The following PRKG2 variants were observed in gnomAD, a reference collection of about 807,000 sequenced individuals.
PRKG2 encodes cGMP-dependent protein kinase 2.
Under a neutral mutation model 97.2 loss-of-function variants are expected in PRKG2, and 33 were observed. That is an observed-to-expected ratio of 0.34 (90% CI 0.26 to 0.45). The LOEUF is 0.45. Ranked by LOEUF, PRKG2 falls within the 20% of genes least tolerant of loss-of-function variation. PRKG2 has a pLI of 1.00. For synonymous variants in PRKG2, 330 were observed against 321.8 expected, an observed-to-expected ratio of 1.03 and a Z score of -0.27; for missense variants, 638 against 900.0, an observed-to-expected ratio of 0.71 and a Z score of 3.73.
intron 14 of PRKG2, among the ~76,000 whole-genome samples, chr4:81,123,528 C>T (rs1745268261): frequency 6.6e-6 from 1 of 152,180 alleles, no homozygotes; most frequent in South Asian, 2.1e-4. Context: ...CCTCAGCCTC[C>T]CAAGGAGCTG....
At chr4:81,204,528 A>G in intron 2 of PRKG2, 59 bp downstream of exon 2, 1 of 1,460,004 alleles carries the variant, frequency 6.8e-7, no homozygotes, top group South Asian at 1.3e-5. Context: ...AATAAATGTC[A>G]CTCTCATATT....
intron 14 of PRKG2, among the ~76,000 whole-genome samples, chr4:81,125,618 G>A (rs1433248541): frequency 6.6e-6 from 1 of 152,160 alleles, no homozygotes; most frequent in Non-Finnish European, 1.5e-5. Context: ...CAGTTTACCT[G>A]GGTAAATACC....
intron 1 of PRKG2, among the ~76,000 whole-genome samples, chr4:81,212,367 T>TG (rs1343599123): frequency 1.3e-5 from 2 of 151,578 alleles, no homozygotes; most frequent in African/African-American, 2.4e-5. Flanking sequence ...TTCAGCTATT[T>TG]GGGGGGCTAC....
At chr4:81,111,449 AT>A (rs199943587) in intron 14 of PRKG2, among the ~76,000 whole-genome samples, 2,392 of 152,158 alleles carry the variant, frequency 0.016, 70 homozygotes, top group African/African-American at 0.054. Context: ...GTTATACATG[AT>A]TAATATTATA....
At chr4:81,147,537 T>C (rs1221839512) in intron 9 of PRKG2, among the ~76,000 whole-genome samples, 3 of 152,186 alleles carry the variant, frequency 2.0e-5, no homozygotes, top group Non-Finnish European at 4.4e-5. Context: ...GTCCTGTTAA[T>C]ACTTTAAATC....
Position 81,088,054 on chromosome 4 carries a change from ACT to A in PRKG2, c.*1652_*1653del, listed in dbSNP as rs1741248742. 6.6e-6 allele frequency: 1 copy of A among 151,988 alleles called. No homozygotes were observed. Among genetic ancestry groups the A allele is most frequent in the Non-Finnish European group, 1.5e-5 (1 of 67,988 alleles). The allele number at this position is 151,988 out of a possible 1,614,324, so 9.4% of individuals were successfully genotyped here. On this transcript the variant is annotated 3_prime_UTR_variant, in exon 19 of 19. Transcript: ENST00000264399. The stretch of plus-strand genomic sequence containing the variant: ...CAAATTCAAATAAAAATCTTTAAAA[ACT>A]CTTAGAAATTCTTTAAGCAGGTTAT...
chr4:81,135,203 G>C lies in PRKG2; in HGVS notation c.1728C>G (p.Asp576Glu), dbSNP rs764354837. ...YLHRLGIIYR[D>E]LKPENLILDA... ...CTAGAATTAAGTTTTCTGGTTTCAA[G>C]TCTCTGTAGATAATACCTAGTCGAT... Residue 576 changes from aspartate (D) to glutamate (E), a missense_variant, in exon 14 of 19, where the codon GAC becomes GAG. Asp to Glu is a conservative substitution (Grantham distance 45). This residue lies in a region of PRKG2 where 304 missense variants were observed against 460.5 expected (regional missense o/e 0.66). Transcript: ENST00000264399. The C allele has an allele frequency of 6.2e-7, 1 of 1,611,546 alleles. No individual in the cohort carries two copies.
intron 14 of PRKG2, among the ~76,000 whole-genome samples, chr4:81,113,902 A>G (rs1744231444): frequency 6.6e-6 from 1 of 152,178 alleles, no homozygotes; most frequent in Non-Finnish European, 1.5e-5. Flanking sequence ...AGAGGCAACA[A>G]TGGATGGTTT....
chr4:81,105,954 G>A lies in PRKG2; in HGVS notation c.1941-19C>T. Reference sequence around the variant, plus strand: ...GGGTGGGCTAGATAGAGAAAATCCAGAACAGGACACATTAATAACAGGGTC... The same window carrying A: ...GGGTGGGCTAGATAGAGAAAATCCAAAACAGGACACATTAATAACAGGGTC... On this transcript the variant is annotated intron_variant, in intron 15 of 18. Coordinates refer to ENST00000264399, the MANE Select transcript of PRKG2 (RefSeq NM_006259.3). 6.2e-7 allele frequency: 1 copy of A among 1,608,788 alleles called. No homozygotes were observed. The highest frequency in any genetic ancestry group is 8.5e-7 in the Non-Finnish European group (1 of 1,176,840).
At chr4:81,153,417 T>C (rs1282188477) in intron 7 of PRKG2, 4 of 404,332 alleles carry the variant, frequency 9.9e-6, no homozygotes, top group Non-Finnish European at 1.8e-5. Flanking sequence ...CCCCAAAAAA[T>C]CAAGTGACCT....
intron 2 of PRKG2, among the ~76,000 whole-genome samples, chr4:81,194,937 C>T (rs1052599660): frequency 2.2e-4 from 29 of 134,286 alleles, no homozygotes; most frequent in African/African-American, 6.9e-4. Context: ...TATATATATA[C>T]GCACCTATAA....
chr4:81,186,623 A>T (rs10002599), intron 2 of PRKG2, among the ~76,000 whole-genome samples: 34,632 of 152,038 alleles, frequency 0.23, 7,830 homozygotes, highest in African/African-American at 0.58. Flanking sequence ...AACTAAGATC[A>T]GAACAGAACT....
Position 81,089,381 on chromosome 4 carries a change from G to C in PRKG2, c.*327C>G, listed in dbSNP as rs1741326537. 1 of 200,236 alleles carries C rather than the reference G, an allele frequency of 5.0e-6. No homozygotes were observed. The highest frequency in any genetic ancestry group is 2.3e-5 in the African/African-American group (1 of 43,228). 12.4% of individuals were successfully genotyped at this position (200,236 alleles called of 1,614,324 possible). On this transcript the variant is annotated 3_prime_UTR_variant, in exon 19 of 19. Transcript: ENST00000264399. ...AACGTTAGTAGTACTCAAACGAGAA[G>C]GATATGATTGGAATGGAACAATAGA...
chr4:81,136,103 A>G (rs896449656), intron 13 of PRKG2, among the ~76,000 whole-genome samples: 1 of 152,158 alleles, frequency 6.6e-6, no homozygotes, highest in African/African-American at 2.4e-5. Flanking sequence ...TTGCCTATTG[A>G]AGCAAAGATA....
chr4:81,128,452 A>G (rs950593181), intron 14 of PRKG2, among the ~76,000 whole-genome samples: 1 of 152,106 alleles, frequency 6.6e-6, no homozygotes, highest in Non-Finnish European at 1.5e-5. Context: ...CTGTGAATCC[A>G]TCTGGTCTTG....
intron 14 of PRKG2, among the ~76,000 whole-genome samples, chr4:81,120,291 C>G (rs1263035166): frequency 6.6e-6 from 1 of 152,160 alleles, no homozygotes; most frequent in Non-Finnish European, 1.5e-5. Flanking sequence ...TTGTTCTGAC[C>G]ATGAGGCACC....
chr4:81,179,772 T>C (rs1349713179), intron 2 of PRKG2, among the ~76,000 whole-genome samples: 4 of 152,122 alleles, frequency 2.6e-5, no homozygotes, highest in South Asian at 2.1e-4. Flanking sequence ...ATGTTAAAAG[T>C]TTAGTAAGTT....
intron 11 of PRKG2, 32 bp downstream of exon 11, chr4:81,142,762 T>A (rs776958942): frequency 6.6e-7 from 1 of 1,508,576 alleles, no homozygotes; most frequent in African/African-American, 1.4e-5. Context: ...TCAAAAGGCT[T>A]CTCTCAGATG....
At chr4:81,146,464 G>C (rs556475441) in intron 9 of PRKG2, among the ~76,000 whole-genome samples, 4 of 152,080 alleles carry the variant, frequency 2.6e-5, no homozygotes, top group African/African-American at 9.6e-5. Context: ...CATACAAAAG[G>C]GTTATTTCAT....
Sources: gnomAD v4.1 joint callset for allele counts (sites outside exome capture counted in the v4.1 genomes callset) on GRCh38, gnomAD v4.1.1 for gene constraint, gnomAD v4.1.1 regional missense constraint, MANE v1.5 for transcripts, NCBI Gene and HGNC (gene_info 2026-07-23, HGNC 2026-07-21) for gene names.